Variants in DLG2 observed in about 807,000 individuals in gnomAD.
The protein encoded by DLG2 is discs large MAGUK scaffold protein 2.
DLG2 carries 45 observed loss-of-function variants against 132.5 expected under a neutral mutation model. The ratio of observed to expected loss-of-function variants is 0.34; its 90% CI spans 0.27 to 0.44. The LOEUF (loss-of-function observed/expected upper bound fraction) is 0.44. Ranked by LOEUF, DLG2 falls within the 20% of genes least tolerant of loss-of-function variation. The pLI is 1.00. For missense variants in DLG2, 1,045 were observed against 1,196.9 expected, an observed-to-expected ratio of 0.87 and a Z score of 1.87; for synonymous variants, 424 against 419.6, an observed-to-expected ratio of 1.01 and a Z score of -0.13.
chr11:84,452,120 AAAAG>A (rs1273454901), intron 7 of DLG2, among the ~76,000 whole-genome samples: 1 of 151,686 alleles, frequency 6.6e-6, no homozygotes, highest in Non-Finnish European at 1.5e-5. Flanking sequence ...AACAAAAAAA[AAAAG>A]AAGGAAGAAG....
intron 6 of DLG2, among the ~76,000 whole-genome samples, chr11:84,848,775 G>T (rs1185511245): frequency 6.6e-6 from 1 of 152,176 alleles, no homozygotes; most frequent in African/African-American, 2.4e-5. Context: ...TATTTTGCAT[G>T]TGGAAGGGAC....
rs145491671 is a variant in DLG2 at position 84,228,726 on chromosome 11, GA to G, written c.573+22511del. Among the ~76,000 whole-genome samples, 1,098 of 152,088 alleles carry G rather than the reference GA, an allele frequency of 7.2e-3. 15 individuals are homozygous for G. The highest frequency in any genetic ancestry group is 0.025 in the African/African-American group (1,026 of 41,488). ...GATAATAACTGTCTTTTAGAATCCA[GA>G]AAAAAAATTTAAAGGACTACCCTAC... On this transcript the variant is annotated intron_variant, in intron 8 of 27. Transcript: ENST00000376104.
At chr11:84,020,344 GT>G (rs1388678696) in intron 11 of DLG2, among the ~76,000 whole-genome samples, 2 of 152,008 alleles carry the variant, frequency 1.3e-5, no homozygotes, top group African/African-American at 4.8e-5. Context: ...TGATATGTGT[GT>G]ATATATATTC....
intron 7 of DLG2, among the ~76,000 whole-genome samples, chr11:84,313,089 G>A (rs113938834): frequency 0.021 from 3,249 of 152,112 alleles, 61 homozygotes; most frequent in East Asian, 0.065. Context: ...GATTACAGGC[G>A]TGAGTCACTG....
chr11:84,195,402 G>A (rs546964824), intron 8 of DLG2, among the ~76,000 whole-genome samples: 24 of 152,230 alleles, frequency 1.6e-4, no homozygotes, highest in Non-Finnish European at 3.1e-4. Flanking sequence ...TTGACCTCGT[G>A]ATCCACCTGC....
rs78282487 is a variant in DLG2, at chr11:83,481,538, A to G, written c.2293+2591T>C. ...GCTTTGATATCATACATTCTTGCCA[A>G]TTGGATAGAGTAGTTTTAAAGCATG... is the stretch of plus-strand genomic sequence containing the variant. On this transcript the variant is annotated intron_variant, in intron 22 of 27. Coordinates refer to ENST00000376104, the MANE Select transcript of DLG2 (RefSeq NM_001142699.3). Among the ~76,000 whole-genome samples the G allele has an allele frequency of 2.6e-5, 4 of 152,230 alleles. No homozygotes were observed. The East Asian group carries it at 7.7e-4, about 29-fold the overall frequency.
chr11:83,867,230 A>T (rs1595672499), intron 16 of DLG2, among the ~76,000 whole-genome samples: 1 of 152,176 alleles, frequency 6.6e-6, no homozygotes, highest in Non-Finnish European at 1.5e-5. Flanking sequence ...TGTGGGCTCA[A>T]ATCTCAGTTC....
At chr11:85,297,721 GT>G in intron 3 of DLG2, among the ~76,000 whole-genome samples, 1 of 152,098 alleles carries the variant, frequency 6.6e-6, no homozygotes, top group Non-Finnish European at 1.5e-5. Context: ...TGGTGAAGGA[GT>G]TTGGAGAACA....
chr11:84,753,919 G>A (rs1214553050), intron 6 of DLG2, among the ~76,000 whole-genome samples: 1 of 152,156 alleles, frequency 6.6e-6, no homozygotes, highest in Non-Finnish European at 1.5e-5. Flanking sequence ...CAACTAGGTT[G>A]GACATTGCTG....
chr11:84,487,855 C>T (rs919471642), intron 7 of DLG2, among the ~76,000 whole-genome samples: 1 of 151,992 alleles, frequency 6.6e-6, no homozygotes, highest in African/African-American at 2.4e-5. Context: ...GGTGAAGAAC[C>T]AGTTGGGGCG....
chr11:83,660,233 C>T (rs574002394), intron 18 of DLG2, among the ~76,000 whole-genome samples: 2 of 152,160 alleles, frequency 1.3e-5, no homozygotes, highest in Middle Eastern at 3.4e-3. Flanking sequence ...GGGAAGAATA[C>T]ACAGAAACAA....
intron 15 of DLG2, among the ~76,000 whole-genome samples, chr11:83,914,519 T>C (rs2076597238): frequency 6.6e-6 from 1 of 152,210 alleles, no homozygotes; most frequent in African/African-American, 2.4e-5. Context: ...TCTGATCTCT[T>C]TTCCACAGAA....
Position 84,280,760 on chromosome 11 carries a change from C to G in DLG2, c.520-29469G>C, listed in dbSNP as rs547553201. On this transcript the variant is annotated intron_variant, in intron 7 of 27. Transcript: ENST00000376104. ...TCGCCCAGGCTGGAGTGCAGTGGCACGATCTCAGCTCACTGCAAGCTCCGC... is the reference window on the plus strand; with the variant it reads ...TCGCCCAGGCTGGAGTGCAGTGGCAGGATCTCAGCTCACTGCAAGCTCCGC... Among the ~76,000 whole-genome samples, 4 of 151,554 alleles carry G rather than the reference C, an allele frequency of 2.6e-5. No individual in the cohort carries two copies. The South Asian group carries it at 8.3e-4, about 32-fold the overall frequency.
At chr11:83,768,648 A>G (rs1254406290) in intron 18 of DLG2, among the ~76,000 whole-genome samples, 1 of 152,234 alleles carries the variant, frequency 6.6e-6, no homozygotes, top group Non-Finnish European at 1.5e-5. Flanking sequence ...AGAGCAAAGC[A>G]TCATTCTAAA....
intron 11 of DLG2, among the ~76,000 whole-genome samples, chr11:84,029,099 A>G (rs768546154): frequency 6.6e-5 from 10 of 152,120 alleles, no homozygotes; most frequent in Non-Finnish European, 1.5e-4. Flanking sequence ...TTACTGCAGT[A>G]TATTAGCAAT....
intron 16 of DLG2, among the ~76,000 whole-genome samples, chr11:83,839,307 G>T (rs149197679): frequency 5.1e-4 from 78 of 152,124 alleles, no homozygotes; most frequent in African/African-American, 1.7e-3. Context: ...TAATAGTGAA[G>T]ATAAATGACA....
intron 6 of DLG2, among the ~76,000 whole-genome samples, chr11:84,854,192 T>G (rs2082492409): frequency 6.6e-6 from 1 of 150,958 alleles, no homozygotes; most frequent in Non-Finnish European, 1.5e-5. Flanking sequence ...AAATCCAAAC[T>G]TCTTAGACTA....
intron 7 of DLG2, among the ~76,000 whole-genome samples, chr11:84,472,144 A>C (rs1567722508): frequency 6.6e-6 from 1 of 151,900 alleles, no homozygotes. Context: ...TAAAATGATT[A>C]GTTCGTATTG....
chr11:85,593,470 T>C (rs2153232851), intron 3 of DLG2, among the ~76,000 whole-genome samples: 1 of 152,308 alleles, frequency 6.6e-6, no homozygotes, highest in East Asian at 1.9e-4. Context: ...CACAGGTGAC[T>C]AGTGCTGAGG....
Sources: gnomAD v4.1 joint callset for allele counts (sites outside exome capture counted in the v4.1 genomes callset) on GRCh38, gnomAD v4.1.1 for gene constraint, MANE v1.5 for transcripts, NCBI Gene and HGNC (gene_info 2026-07-23, HGNC 2026-07-21) for gene names.